RAPH1: variants seen among roughly 807,000 people sequenced by gnomAD.
RAPH1 encodes the protein ras-associated and pleckstrin homology domains-containing protein 1.
A neutral mutation model predicts 88.1 loss-of-function variants in RAPH1; 18 were observed. That is an observed-to-expected ratio of 0.20 (90% CI 0.14 to 0.30). The LOEUF (loss-of-function observed/expected upper bound fraction) is 0.30. Ranked by LOEUF, RAPH1 falls within the 10% of genes least tolerant of loss-of-function variation. RAPH1 has a pLI of 1.00. For synonymous variants in RAPH1, 587 were observed against 559.0 expected (o/e 1.05, Z -0.71); for missense variants, 1,448 against 1,543.2 (o/e 0.94, Z 1.03).
In RAPH1 at chr2:203,438,063, G is replaced by A. The variant is rs1013432943; in HGVS notation, c.*1374C>T. The A allele has an allele frequency of 4.1e-5, 20 of 492,042 alleles. No individual in the cohort carries two copies. The highest frequency in any genetic ancestry group is 7.5e-5 in the South Asian group (5 of 66,932). The allele number at this position is 492,042 out of a possible 1,614,324, so 30.5% of individuals were successfully genotyped here. A position where few individuals can be genotyped will look rare whatever the true frequency, so the allele number is the denominator to read the frequency against. ...TGTGTCGTTAGAGCACTGACTCCAC[G>A]TTATACCAAACTGCACACGCATAAA... On this transcript the variant is annotated 3_prime_UTR_variant, in exon 14 of 14. Coordinates refer to ENST00000319170, the MANE Select transcript of RAPH1 (RefSeq NM_213589.3).
Position 203,505,534 on chromosome 2 carries a change from A to G in RAPH1, c.1-10181T>C, listed in dbSNP as rs567221351. ...GGGGACACAGCCAAACCATATCACT[A>G]AAGTGGAAAAATACAATTTAGTTCA... On this transcript the variant is annotated intron_variant, in intron 1 of 13. Coordinates refer to ENST00000319170, the MANE Select transcript of RAPH1 (RefSeq NM_213589.3). 7.2e-5 allele frequency among the ~76,000 whole-genome samples: 11 copies of G among 152,284 alleles called. No homozygotes were observed. The South Asian group carries it at 1.9e-3, about 26-fold the overall frequency.
At position 203,449,452 on chromosome 2, in the gene RAPH1, C is replaced by T. The variant is rs202226470; in HGVS notation, c.1414-616G>A. Among the ~76,000 whole-genome samples the T allele has an allele frequency of 1.6e-4, 25 of 152,320 alleles. No individual in the cohort carries two copies. In the East Asian group the frequency reaches 4.8e-3, roughly 29 times the overall value. ...CACATAGATGTCAACAGCATCTTCACATTTAGTTTTCACAACCCACTGTAC... is the reference window on the plus strand; with the variant it reads ...CACATAGATGTCAACAGCATCTTCATATTTAGTTTTCACAACCCACTGTAC... On this transcript the variant is annotated intron_variant, in intron 10 of 13. Coordinates refer to ENST00000319170, the MANE Select transcript of RAPH1 (RefSeq NM_213589.3).
At chr2:203,476,051 T>C (rs1395694072) in intron 4 of RAPH1, among the ~76,000 whole-genome samples, 1 of 152,196 alleles carries the variant, frequency 6.6e-6, no homozygotes, top group African/African-American at 2.4e-5. Context: ...TAAAATTTTG[T>C]TAGCCACATT....
intron 1 of RAPH1, among the ~76,000 whole-genome samples, chr2:203,517,398 A>T (rs1489296055): frequency 6.6e-6 from 1 of 151,690 alleles, no homozygotes; most frequent in Non-Finnish European, 1.5e-5. Flanking sequence ...GAAAAGAAAG[A>T]AATGAATCCA....
intron 1 of RAPH1, among the ~76,000 whole-genome samples, chr2:203,527,480 C>T (rs1327270893): frequency 6.6e-6 from 1 of 151,986 alleles, no homozygotes; most frequent in Non-Finnish European, 1.5e-5. Flanking sequence ...GACATATTCT[C>T]AACAGTAAAT....
At chr2:203,529,308 T>G (rs1229199681) in intron 1 of RAPH1, among the ~76,000 whole-genome samples, 1 of 151,764 alleles carries the variant, frequency 6.6e-6, no homozygotes, top group Non-Finnish European at 1.5e-5. Context: ...TTTTCTTCAC[T>G]TATCAAACTC....
chr2:203,480,009 G>A (rs1033551800), intron 4 of RAPH1, among the ~76,000 whole-genome samples: 4 of 152,066 alleles, frequency 2.6e-5, no homozygotes, highest in Admixed American at 2.0e-4. Flanking sequence ...GAATTTAAAG[G>A]TCAATTCTCT....
At chr2:203,493,969 C>T (rs1330595202) in intron 2 of RAPH1, among the ~76,000 whole-genome samples, 2 of 54,610 alleles carry the variant, frequency 3.7e-5, no homozygotes, top group Non-Finnish European at 6.3e-5. Flanking sequence ...GAGACTCTAT[C>T]TCAAAAAAAA....
intron 4 of RAPH1, among the ~76,000 whole-genome samples, chr2:203,471,057 G>A (rs980469301): frequency 6.6e-6 from 1 of 152,102 alleles, no homozygotes; most frequent in Non-Finnish European, 1.5e-5. Flanking sequence ...TAACTTTTCA[G>A]TAACATGTTG....
intron 4 of RAPH1, among the ~76,000 whole-genome samples, chr2:203,485,298 C>A (rs926773638): frequency 5.3e-5 from 8 of 151,550 alleles, no homozygotes; most frequent in Admixed American, 5.3e-4. Flanking sequence ...GTAATCCCTG[C>A]TACTCGGGAG....
intron 1 of RAPH1, among the ~76,000 whole-genome samples, chr2:203,498,118 T>G (rs1307591301): frequency 6.6e-6 from 1 of 152,212 alleles, no homozygotes; most frequent in Non-Finnish European, 1.5e-5. Context: ...GAATTCTGTT[T>G]TGAGAGAGTA....
rs1042833612 is a variant in RAPH1, at chr2:203,434,718, G to A, written c.*4719C>T. On this transcript the variant is annotated 3_prime_UTR_variant, in exon 14 of 14. Coordinates refer to ENST00000319170, the MANE Select transcript of RAPH1 (RefSeq NM_213589.3). ...GCAGACAAGTTTTACTGCCTAAGAC[G>A]TTGAGGCTGCAACAATCATGAGCTT... 126 of 152,484 alleles carry A rather than the reference G, an allele frequency of 8.3e-4. No individual in the cohort carries two copies. Among genetic ancestry groups the A allele is most frequent in the African/African-American group, 2.9e-3 (119 of 41,550 alleles). 9.4% of individuals were successfully genotyped at this position (152,484 alleles called of 1,614,324 possible).
chr2:203,497,720 C>T (rs1458903850), intron 1 of RAPH1, among the ~76,000 whole-genome samples: 1 of 151,900 alleles, frequency 6.6e-6, no homozygotes, highest in East Asian at 1.9e-4. Context: ...GTCATTCTAC[C>T]CTGGCAAGTG....
Position 203,437,810 on chromosome 2 carries a change from A to G in RAPH1, c.*1627T>C, listed in dbSNP as rs985638252. 2.6e-5 allele frequency: 5 copies of G among 194,988 alleles called. No homozygotes were observed. The highest frequency in any genetic ancestry group is 9.6e-5 in the South Asian group (1 of 10,464). The allele number at this position is 194,988 out of a possible 1,614,324, so 12.1% of individuals were successfully genotyped here. A position where few individuals can be genotyped will look rare whatever the true frequency, so the allele number is the denominator to read the frequency against. Reference sequence around the variant, plus strand: ...ACTTTTTCCTTGTGGGACAATGTCAACTGATTTCTGCAGTTTGCATTGGTA... The same window carrying G: ...ACTTTTTCCTTGTGGGACAATGTCAGCTGATTTCTGCAGTTTGCATTGGTA... On this transcript the variant is annotated 3_prime_UTR_variant, in exon 14 of 14. Transcript: ENST00000319170.
At chr2:203,506,526 A>G (rs1309424491) in intron 1 of RAPH1, among the ~76,000 whole-genome samples, 1 of 150,258 alleles carries the variant, frequency 6.7e-6, no homozygotes, top group Non-Finnish European at 1.5e-5. Flanking sequence ...TCTCAAAAAA[A>G]AACAAAAAAC....
At position 203,533,174 on chromosome 2, in the gene RAPH1, C is replaced by A. The variant is rs184150305; in HGVS notation, c.-1+1937G>T. ...CACTACTCCACTCCTTTCACCCAGT[C>A]ACATACTCTATAATCTTAGTGAGAC... On this transcript the variant is annotated intron_variant, in intron 1 of 13. Transcript: ENST00000319170. 8.7e-4 allele frequency among the ~76,000 whole-genome samples: 132 copies of A among 152,334 alleles called. 1 individual carries two copies. The highest frequency in any genetic ancestry group is 3.0e-3 in the African/African-American group (123 of 41,574).
chr2:203,440,575 G>A lies in RAPH1; in HGVS notation c.2615C>T (p.Pro872Leu). Residue 872 changes from proline to leucine, a missense_variant, in exon 14 of 14, where the codon CCT becomes CTT. By Grantham distance (98) the Pro-to-Leu change is moderately conservative. Around this residue, in one of 2 missense-constraint regions of RAPH1, gnomAD observed 935 missense variants for 890.1 expected, o/e 1.05. Transcript: ENST00000319170. ...VKQIASQFPP[P>L]PTPPAMESQP... ...AGATTCCATGGCAGGGGGAGTTGGAGGGGGTGGAAACTGGCTGGCTATCTG... is the reference window on the plus strand; with the variant it reads ...AGATTCCATGGCAGGGGGAGTTGGAAGGGGTGGAAACTGGCTGGCTATCTG... 1 of 1,553,504 alleles carries A rather than the reference G, an allele frequency of 6.4e-7. No homozygotes were observed. Among genetic ancestry groups the A allele is most frequent in the Non-Finnish European group, 8.7e-7 (1 of 1,149,286 alleles).
chr2:203,498,054 T>C (rs1439065645), intron 1 of RAPH1, among the ~76,000 whole-genome samples: 3 of 152,236 alleles, frequency 2.0e-5, no homozygotes, highest in South Asian at 2.1e-4. Context: ...TTGCTTTTAC[T>C]TCCTAATCTT....
intron 1 of RAPH1, among the ~76,000 whole-genome samples, chr2:203,514,048 G>A (rs1034608837): frequency 6.6e-6 from 1 of 151,876 alleles, no homozygotes; most frequent in Non-Finnish European, 1.5e-5. Flanking sequence ...TCATCATGTT[G>A]GGCAGGCTGG....
Sources: allele counts gnomAD v4.1 joint callset (sites outside exome capture counted in the v4.1 genomes callset), GRCh38; gene constraint gnomAD v4.1.1; regional missense constraint gnomAD v4.1.1; transcripts MANE v1.5; gene names NCBI Gene and HGNC (gene_info 2026-07-23, HGNC 2026-07-21).